Variants in FGF13 observed in about 807,000 individuals in gnomAD.
FGF13 encodes the protein fibroblast growth factor homologous factor 2.
FGF13 carries 2 observed loss-of-function variants against 19.5 expected under a neutral mutation model. The ratio of observed to expected loss-of-function variants is 0.10; its 90% CI spans 0.04 to 0.32. The LOEUF (loss-of-function observed/expected upper bound fraction) is 0.32. FGF13 is among the 10% of genes least tolerant of loss of function. The pLI, the probability that FGF13 is intolerant of heterozygous loss-of-function variation, is 1.00. For missense variants in FGF13, 113 were observed against 192.7 expected, an observed-to-expected ratio of 0.59 and a Z score of 2.45; for synonymous variants, 72 against 76.9, an observed-to-expected ratio of 0.94 and a Z score of 0.33.
chrX:138,865,969 A>C (rs2091320836), intron 1 of FGF13, among the ~76,000 whole-genome samples: 1 of 112,011 alleles, frequency 8.9e-6, no homozygotes, highest in Non-Finnish European at 1.9e-5. Context: ...ATAGGCTGCA[A>C]TCTCAGAGCA....
intron 3 of FGF13, among the ~76,000 whole-genome samples, chrX:138,812,580 T>C (rs1268328111): frequency 9.0e-6 from 1 of 111,587 alleles, no homozygotes; most frequent in African/African-American, 3.3e-5. Flanking sequence ...TCTCCATTCC[T>C]GATGATCTTG....
At chrX:139,035,139 T>A (rs187616793) in intron 1 of FGF13, among the ~76,000 whole-genome samples, 2 of 111,141 alleles carry the variant, frequency 1.8e-5, no homozygotes, top group African/African-American at 6.5e-5. Flanking sequence ...TAATGAAAAA[T>A]TGATTTAAAA....
At chrX:138,976,785 G>A (rs1174998626) in intron 1 of FGF13, among the ~76,000 whole-genome samples, 1 of 110,796 alleles carries the variant, frequency 9.0e-6, no homozygotes, top group Admixed American at 9.6e-5. Flanking sequence ...CATGATAGAT[G>A]GAATGACATT....
At chrX:138,685,211 G>A (rs776599599) in intron 3 of FGF13, among the ~76,000 whole-genome samples, 204 of 111,196 alleles carry the variant, frequency 1.8e-3, no homozygotes, top group Non-Finnish European at 3.0e-3. Flanking sequence ...GTAACAGCAA[G>A]AGAAACTTTC....
intron 1 of FGF13, among the ~76,000 whole-genome samples, chrX:139,157,913 A>T (rs1029820053): frequency 1.8e-5 from 2 of 112,323 alleles, no homozygotes; most frequent in African/African-American, 6.5e-5. Context: ...TACCCAGCTC[A>T]TCTCAATGGG....
At chrX:139,027,805 T>G (rs2092206427) in intron 1 of FGF13, among the ~76,000 whole-genome samples, 3 of 111,023 alleles carry the variant, frequency 2.7e-5, no homozygotes, top group South Asian at 3.8e-4. Context: ...CAAAAAAAAA[T>G]GAAAGGAAAT....
chrX:138,858,159 C>A (rs938281867), intron 2 of FGF13, among the ~76,000 whole-genome samples: 1 of 111,984 alleles, frequency 8.9e-6, no homozygotes, highest in Non-Finnish European at 1.9e-5. Flanking sequence ...TCAGTCACTG[C>A]TCTTTACTCT....
At chrX:138,753,791 A>G (rs1329282728) in intron 3 of FGF13, among the ~76,000 whole-genome samples, 2 of 112,494 alleles carry the variant, frequency 1.8e-5, no homozygotes, top group Admixed American at 9.4e-5. Flanking sequence ...ACTAAATGGC[A>G]GCATTCTTGT....
chrX:139,031,179 A>G (rs1304278667), intron 1 of FGF13, among the ~76,000 whole-genome samples: 4 of 110,536 alleles, frequency 3.6e-5, no homozygotes, highest in African/African-American at 9.9e-5. Context: ...AGCTGAAGAT[A>G]TTTGTAAAAC....
chrX:138,978,999 A>G (rs959645401), intron 1 of FGF13, among the ~76,000 whole-genome samples: 1 of 112,520 alleles, frequency 8.9e-6, no homozygotes, highest in African/African-American at 3.2e-5. Flanking sequence ...ATATGGAGCA[A>G]GCTTCTCAAA....
chrX:138,882,432 T>G (rs1435522076), intron 1 of FGF13, among the ~76,000 whole-genome samples: 3 of 112,122 alleles, frequency 2.7e-5, no homozygotes, highest in African/African-American at 9.7e-5. Context: ...AGTCATTTTA[T>G]GAGAAGAAGT....
chrX:138,722,357 T>C (rs1207970708), intron 1 of FGF13, among the ~76,000 whole-genome samples: 1 of 111,575 alleles, frequency 9.0e-6, no homozygotes, highest in Non-Finnish European at 1.9e-5. Flanking sequence ...GCACTGAAAA[T>C]TGAATCCAAA....
At chrX:139,174,961 C>A (rs1304378883) in intron 1 of FGF13, among the ~76,000 whole-genome samples, 1 of 111,899 alleles carries the variant, frequency 8.9e-6, no homozygotes, top group African/African-American at 3.3e-5. Flanking sequence ...ATAGGGATAG[C>A]ATTGAATCTA....
intron 3 of FGF13, among the ~76,000 whole-genome samples, chrX:138,778,876 A>G (rs909419729): frequency 8.9e-6 from 1 of 112,426 alleles, no homozygotes; most frequent in Non-Finnish European, 1.9e-5. Flanking sequence ...GCACAGACAA[A>G]CAAAAAGACA....
intron 1 of FGF13, among the ~76,000 whole-genome samples, chrX:139,003,687 G>C (rs1481787657): frequency 9.0e-6 from 1 of 111,364 alleles, no homozygotes; most frequent in East Asian, 2.9e-4. Flanking sequence ...GTGTCGATTG[G>C]TGCATTCACA....
intron 3 of FGF13, chrX:138,806,442 G>A (rs761813214): frequency 2.5e-4 from 28 of 112,237 alleles, no homozygotes; most frequent in African/African-American, 9.1e-4. Flanking sequence ...ACCCCGTCGA[G>A]GAAGTCAAAG....
At chrX:139,204,322 G>T (rs2084447017), upstream of FGF13, 3 of 253,214 alleles carry the variant, frequency 1.2e-5, no homozygotes, top group Non-Finnish European at 2.1e-5. Context: ...AGCCGCCGTC[G>T]CCGCCGCCGC....
intron 1 of FGF13, among the ~76,000 whole-genome samples, chrX:138,956,010 G>A (rs1224328584): frequency 2.7e-5 from 3 of 111,753 alleles, no homozygotes. Context: ...CTTCAGCTGA[G>A]GCTCAGTTGG....
At position 139,189,886 on chromosome X, in the gene FGF13, G is replaced by A. The variant is rs533556555; in HGVS notation, c.-113+13530C>T. Among the ~76,000 whole-genome samples the A allele has an allele frequency of 3.6e-5, 4 of 111,976 alleles. No individual in the cohort carries two copies. In the South Asian group the frequency reaches 1.5e-3, roughly 42 times the overall value. On this transcript the variant is annotated intron_variant, in intron 1 of 2. Transcript: ENST00000421460. ...TTAAAAGTAAAAATAAAATTTTCAA[G>A]AGGGATCATGTTATAATGTTACATG...
Sources: allele counts gnomAD v4.1 joint callset (sites outside exome capture counted in the v4.1 genomes callset), GRCh38; gene constraint gnomAD v4.1.1; transcripts MANE v1.5; gene names NCBI Gene and HGNC (gene_info 2026-07-23, HGNC 2026-07-21).